IFT43: variants seen among roughly 807,000 people sequenced by gnomAD.
IFT43 encodes intraflagellar transport protein 43 homolog.
Under a neutral mutation model 32.3 loss-of-function variants are expected in IFT43, and 33 were observed. The observed-to-expected ratio is 1.02, with a 90% CI of 0.77 to 1.37. The LOEUF (loss-of-function observed/expected upper bound fraction) is 1.37. IFT43 is among the 40% of genes most tolerant of loss of function. The probability of loss-of-function intolerance (pLI) is 0.00; values close to 1 mark genes in which losing one functional copy is unlikely to be tolerated. For missense variants in IFT43, 274 were observed against 265.9 expected (o/e 1.03, Z -0.21); for synonymous variants, 93 against 98.2 (o/e 0.95, Z 0.31).
At chr14:75,999,281 A>ATATAT (rs1566699821) in intron 2 of IFT43, among the ~76,000 whole-genome samples, 399 of 38,874 alleles carry the variant, frequency 0.01, 3 homozygotes, top group Non-Finnish European at 0.015. Context: ...ATGTATATAT[A>ATATAT]TTTTTTTTTT....
intron 3 of IFT43, among the ~76,000 whole-genome samples, chr14:76,057,096 C>T (rs1316101634): frequency 6.6e-6 from 1 of 152,132 alleles, no homozygotes; most frequent in East Asian, 1.9e-4. Context: ...CCAGCTTGAC[C>T]TACCCATTCT....
chr14:75,994,007 G>A (rs1002605820), intron 2 of IFT43, among the ~76,000 whole-genome samples: 7 of 152,040 alleles, frequency 4.6e-5, no homozygotes, highest in Admixed American at 1.3e-4. Context: ...CCATAGCATC[G>A]GGGTTTCTTG....
intron 5 of IFT43, among the ~76,000 whole-genome samples, chr14:76,071,496 G>T (rs2037319690): frequency 6.6e-6 from 1 of 152,172 alleles, no homozygotes; most frequent in Admixed American, 6.5e-5. Flanking sequence ...GTCCTGACTG[G>T]TAGTGTTTGC....
chr14:76,018,311 G>A (rs2036227497), intron 2 of IFT43, among the ~76,000 whole-genome samples: 1 of 151,812 alleles, frequency 6.6e-6, no homozygotes, highest in Non-Finnish European at 1.5e-5. Context: ...TTGATCCAGT[G>A]GTTGTTCAGG....
At chr14:76,058,824 T>C (rs1762996435) in intron 4 of IFT43, 150 bp downstream of exon 4, 1 of 1,558,650 alleles carries the variant, frequency 6.4e-7, no homozygotes, top group African/African-American at 1.4e-5. Context: ...ATCCAAGGTT[T>C]GGTTAATCCC....
At chr14:75,999,253 A>AAATTCATTT (rs1229130270) in intron 2 of IFT43, among the ~76,000 whole-genome samples, 226 of 10,492 alleles carry the variant, frequency 0.022, no homozygotes, top group Admixed American at 0.08. Context: ...ATATATATAT[A>AAATTCATTT]TATATATATA....
chr14:75,986,073 C>G (rs1024423839), intron 1 of IFT43: 3 of 1,488,356 alleles, frequency 2.0e-6, no homozygotes, highest in South Asian at 2.4e-5. Flanking sequence ...ACACCCTGTC[C>G]CCGCCGGCGT....
chr14:76,073,834 T>C (rs11159168), intron 5 of IFT43, among the ~76,000 whole-genome samples: 52,554 of 152,016 alleles, frequency 0.35, 9,186 homozygotes, highest in African/African-American at 0.39. Context: ...TTGATTGTTG[T>C]GCTGCTCCCT....
At chr14:75,999,256 TATATATA>T (rs2035822137) in intron 2 of IFT43, among the ~76,000 whole-genome samples, 1 of 12,150 alleles carries the variant, frequency 8.2e-5, no homozygotes, top group African/African-American at 3.1e-4. Flanking sequence ...TATATATATA[TATATATA>T]TATATATATG....
chr14:76,069,315 G>A (rs550798054), intron 5 of IFT43, among the ~76,000 whole-genome samples: 3 of 152,154 alleles, frequency 2.0e-5, no homozygotes, highest in East Asian at 1.9e-4. Context: ...AGGGAAAGCC[G>A]CTCTGGAGAA....
intron 5 of IFT43, among the ~76,000 whole-genome samples, chr14:76,074,316 G>A (rs1427641106): frequency 6.6e-6 from 1 of 152,108 alleles, no homozygotes; most frequent in African/African-American, 2.4e-5. Context: ...TCTTCATCAC[G>A]TTTAAAGTCC....
At chr14:76,009,660 C>CAT (rs953774833) in intron 2 of IFT43, among the ~76,000 whole-genome samples, 8 of 152,306 alleles carry the variant, frequency 5.3e-5, no homozygotes, top group African/African-American at 1.9e-4. Flanking sequence ...TGCCACAATT[C>CAT]ATACATCCAT....
intron 5 of IFT43, among the ~76,000 whole-genome samples, chr14:76,062,626 C>A (rs1176625859): frequency 6.6e-6 from 1 of 151,878 alleles, no homozygotes; most frequent in Non-Finnish European, 1.5e-5. Flanking sequence ...GTTGAAAATG[C>A]GTTAAGTCAG....
chr14:76,012,382 T>C lies in IFT43; in HGVS notation c.148-9945T>C, dbSNP rs144296679. On this transcript the variant is annotated intron_variant, in intron 2 of 8. Transcript: ENST00000314067. Reference sequence around the variant, plus strand: ...CCCTCTGACATGGTAATTCCAGTTATTGAATCCTAGCCCATTCGGATGAGA... The same window carrying C: ...CCCTCTGACATGGTAATTCCAGTTACTGAATCCTAGCCCATTCGGATGAGA... Among the ~76,000 whole-genome samples the C allele has an allele frequency of 9.1e-3, 1,392 of 152,330 alleles. 17 individuals carry two copies. Among genetic ancestry groups the C allele is most frequent in the South Asian group, 0.033 (161 of 4,822 alleles).
chr14:75,988,914 G>A lies in IFT43; in HGVS notation c.84G>A (p.Gln28=). Residue 28 remains glutamine, a synonymous_variant, in exon 2 of 9, where the codon CAG becomes CAA. Transcript: ENST00000314067. ...CCAAGATGGGTCGCCGAGCTCAACA[G>A]GAGTCAGCGCAGGCCGAGAATCACC... The part of the protein sequence containing the change: ...SRAKMGRRAQ[Q]ESAQAENHLN... 6.2e-7 allele frequency: 1 copy of A among 1,614,010 alleles called. No individual in the cohort carries two copies. Among genetic ancestry groups the A allele is most frequent in the Non-Finnish European group, 8.5e-7 (1 of 1,180,014 alleles).
chr14:75,987,420 G>A (rs1043120796), intron 1 of IFT43, among the ~76,000 whole-genome samples: 1 of 152,184 alleles, frequency 6.6e-6, no homozygotes, highest in Non-Finnish European at 1.5e-5. Flanking sequence ...GTTTAGTGGG[G>A]CAGTCAGTCC....
rs371762422 is a variant in IFT43, at chr14:76,009,801, G to GTTTTTTTTT, written c.148-12523_148-12515dup. On this transcript the variant is annotated intron_variant, in intron 2 of 8. Transcript: ENST00000314067. ...AGATTAGTTGGTGTCTCATCTAGTGGTTTTTTTTTTTGAGACAGAGTCTTG... is the reference window on the plus strand; with the variant it reads ...AGATTAGTTGGTGTCTCATCTAGTGGTTTTTTTTTTTTTTTTTTTTGAGACAGAGTCTTG... Among the ~76,000 whole-genome samples the GTTTTTTTTT allele has an allele frequency of 4.8e-5, 7 of 147,082 alleles. No homozygotes were observed. The South Asian group carries it at 1.1e-3, about 23-fold the overall frequency.
chr14:76,079,057 G>A (rs1054847248), intron 5 of IFT43, among the ~76,000 whole-genome samples: 1 of 152,184 alleles, frequency 6.6e-6, no homozygotes, highest in African/African-American at 2.4e-5. Flanking sequence ...AGGACATTAC[G>A]TGAAAGCTGT....
At chr14:76,014,987 C>G (rs1194747706) in intron 2 of IFT43, among the ~76,000 whole-genome samples, 1 of 152,196 alleles carries the variant, frequency 6.6e-6, no homozygotes, top group Non-Finnish European at 1.5e-5. Context: ...AGGCCTGATA[C>G]ACTGAACTCT....
Sources: allele counts gnomAD v4.1 joint callset (sites outside exome capture counted in the v4.1 genomes callset), GRCh38; gene constraint gnomAD v4.1.1; transcripts MANE v1.5; gene names NCBI Gene and HGNC (gene_info 2026-07-23, HGNC 2026-07-21).